SHISA9: variants seen among roughly 807,000 people sequenced by gnomAD.
SHISA9 encodes the protein shisa family member 9.
SHISA9 carries 13 observed loss-of-function variants against 38.0 expected under a neutral mutation model. The observed-to-expected ratio is 0.34, with a 90% CI of 0.22 to 0.54. The LOEUF (loss-of-function observed/expected upper bound fraction) is 0.54. Among genes scored for constraint, SHISA9 ranks in the 20% least tolerant of loss-of-function variants. The pLI, the probability that SHISA9 is intolerant of heterozygous loss-of-function variation, is 0.91. For missense variants in SHISA9, 538 were observed against 575.8 expected, an observed-to-expected ratio of 0.93 and a Z score of 0.67; for synonymous variants, 275 against 242.0, an observed-to-expected ratio of 1.14 and a Z score of -1.27.
At chr16:12,948,589 C>T (rs966172709) in intron 2 of SHISA9, among the ~76,000 whole-genome samples, 1 of 152,148 alleles carries the variant, frequency 6.6e-6, no homozygotes, top group African/African-American at 2.4e-5. Context: ...CTGGTAAGGG[C>T]CTGTTTCTCA....
chr16:13,457,116 G>A, the SHISA9 span, among the ~76,000 whole-genome samples: 3 of 152,218 alleles, frequency 2.0e-5, no homozygotes, highest in East Asian at 5.8e-4. Context: ...AGACCAGCCT[G>A]ACCAATGTGG....
the SHISA9 span, among the ~76,000 whole-genome samples, chr16:13,523,205 C>T: frequency 5.9e-5 from 9 of 152,118 alleles, no homozygotes; most frequent in Admixed American, 4.6e-4. Context: ...CAAAAATTAG[C>T]CAGGCATGGT....
At chr16:13,126,319 G>A (rs868532331) in intron 2 of SHISA9, among the ~76,000 whole-genome samples, 7 of 152,174 alleles carry the variant, frequency 4.6e-5, no homozygotes, top group South Asian at 2.1e-4. Context: ...CTGAGTATGA[G>A]TTCCTGGGGT....
At chr16:13,524,323 T>C in the SHISA9 span, among the ~76,000 whole-genome samples, 2 of 152,172 alleles carry the variant, frequency 1.3e-5, no homozygotes, top group African/African-American at 4.8e-5. Context: ...TTAGGAATCA[T>C]AAATATGGCC....
chr16:13,202,449 A>G (rs1411738095), intron 2 of SHISA9, among the ~76,000 whole-genome samples: 1 of 134,370 alleles, frequency 7.4e-6, no homozygotes. Context: ...AGCAGCCAAT[A>G]TTTAGTTTGT....
intron 4 of SHISA9, among the ~76,000 whole-genome samples, chr16:13,221,088 TAAAAAA>T (rs2051219991): frequency 6.6e-6 from 1 of 151,936 alleles, no homozygotes; most frequent in African/African-American, 2.4e-5. Flanking sequence ...GGGTTAAGAC[TAAAAAA>T]GGGCCAGGCT....
chr16:13,175,834 T>C (rs1391994264), intron 2 of SHISA9, among the ~76,000 whole-genome samples: 1 of 151,842 alleles, frequency 6.6e-6, no homozygotes, highest in African/African-American at 2.4e-5. Flanking sequence ...CTTCCAAGGG[T>C]GGGTGGGGGC....
chr16:12,914,149 A>G (rs34803462), intron 1 of SHISA9, among the ~76,000 whole-genome samples: 30,023 of 149,166 alleles, frequency 0.2, 3,277 homozygotes, highest in African/African-American at 0.28. Flanking sequence ...GGGTTCAAGC[A>G]ATTGTCCTGC....
At chr16:13,030,720 C>T (rs951514973) in intron 2 of SHISA9, among the ~76,000 whole-genome samples, 2 of 152,168 alleles carry the variant, frequency 1.3e-5, no homozygotes, top group Non-Finnish European at 1.5e-5. Flanking sequence ...TAACGGGCAG[C>T]TCTTTAAGGC....
At chr16:13,174,508 A>T (rs1348260984) in intron 2 of SHISA9, among the ~76,000 whole-genome samples, 1 of 152,226 alleles carries the variant, frequency 6.6e-6, no homozygotes, top group African/African-American at 2.4e-5. Context: ...GAATTAAGGC[A>T]GGCAAACTGG....
chr16:13,026,033 G>A (rs2072917563), intron 2 of SHISA9, among the ~76,000 whole-genome samples: 1 of 152,052 alleles, frequency 6.6e-6, no homozygotes, highest in African/African-American at 2.4e-5. Flanking sequence ...TCGAACTCCC[G>A]ACCTCAGATG....
chr16:13,189,157 T>G (rs1002186509), intron 2 of SHISA9, among the ~76,000 whole-genome samples: 2 of 152,216 alleles, frequency 1.3e-5, no homozygotes, highest in Non-Finnish European at 2.9e-5. Context: ...ATATTTCCAT[T>G]GTTTAAGCCA....
chr16:12,992,062 T>G (rs949431214), intron 2 of SHISA9, among the ~76,000 whole-genome samples: 1 of 152,184 alleles, frequency 6.6e-6, no homozygotes, highest in Non-Finnish European at 1.5e-5. Context: ...TTTAAAAATA[T>G]GAAATAAGTA....
chr16:13,392,974 A>G, the SHISA9 span, among the ~76,000 whole-genome samples: 1 of 152,192 alleles, frequency 6.6e-6, no homozygotes, highest in Non-Finnish European at 1.5e-5. Context: ...TTTAAGCGAA[A>G]CAGGTCGTGG....
chr16:13,031,348 A>G (rs993220679), intron 2 of SHISA9, among the ~76,000 whole-genome samples: 1 of 152,182 alleles, frequency 6.6e-6, no homozygotes, highest in African/African-American at 2.4e-5. Context: ...ACAATAGTGT[A>G]TTCAGCCATT....
the SHISA9 span, among the ~76,000 whole-genome samples, chr16:13,310,684 CTT>C: frequency 7.2e-5 from 9 of 125,548 alleles, no homozygotes; most frequent in Admixed American, 1.7e-4. Context: ...GATTTTTATG[CTT>C]TTTTTTTTTT....
At chr16:13,407,859 T>A in the SHISA9 span, among the ~76,000 whole-genome samples, 2 of 152,212 alleles carry the variant, frequency 1.3e-5, no homozygotes, top group Admixed American at 6.5e-5. Context: ...AATTCAGTGA[T>A]GTTTGGTGCT....
At chr16:13,297,623 T>G in the SHISA9 span, among the ~76,000 whole-genome samples, 915 of 152,292 alleles carry the variant, frequency 6.0e-3, 7 homozygotes, top group African/African-American at 0.021. Context: ...GGGAAAAGAT[T>G]TGACTAAGTG....
At chr16:13,008,784 T>C (rs2072633846) in intron 2 of SHISA9, among the ~76,000 whole-genome samples, 1 of 151,912 alleles carries the variant, frequency 6.6e-6, no homozygotes, top group Non-Finnish European at 1.5e-5. Flanking sequence ...CATACAGAAC[T>C]GTGAGTCAAT....
Sources: allele counts gnomAD v4.1 joint callset (sites outside exome capture counted in the v4.1 genomes callset), GRCh38; gene constraint gnomAD v4.1.1; transcripts MANE v1.5; gene names NCBI Gene and HGNC (gene_info 2026-07-23, HGNC 2026-07-21).